Variants in GPM6A observed in about 807,000 individuals in gnomAD.
GPM6A encodes the protein neuronal membrane glycoprotein M6-a.
In GPM6A, 7 loss-of-function variants were observed where a neutral mutation model predicts 32.1. The observed-to-expected ratio is 0.22, with a 90% CI of 0.12 to 0.41. The LOEUF is 0.41. Among genes scored for constraint, GPM6A ranks in the 10% least tolerant of loss-of-function variants. GPM6A has a pLI of 1.00. For synonymous variants in GPM6A, 130 were observed against 123.4 expected (o/e 1.05, Z -0.35); for missense variants, 235 against 347.2 (o/e 0.68, Z 2.57).
intron 1 of GPM6A, among the ~76,000 whole-genome samples, chr4:175,977,961 C>T (rs1339047668): frequency 6.6e-6 from 1 of 152,196 alleles, no homozygotes; most frequent in Admixed American, 6.5e-5. Flanking sequence ...TGTGGTCCTA[C>T]TTCAATGCTG....
At chr4:175,856,496 TA>T (rs1441498029) in intron 1 of GPM6A, among the ~76,000 whole-genome samples, 1 of 152,238 alleles carries the variant, frequency 6.6e-6, no homozygotes, top group East Asian at 1.9e-4. Context: ...GGGCATGTGT[TA>T]CAAACAGTTT....
intron 1 of GPM6A, among the ~76,000 whole-genome samples, chr4:175,926,458 C>T (rs28615566): frequency 0.035 from 5,252 of 152,110 alleles, 323 homozygotes; most frequent in African/African-American, 0.12. Flanking sequence ...ATGTTTTTCA[C>T]TGGATAATTT....
chr4:175,651,759 T>C, intron 4 of GPM6A, 75 bp downstream of exon 4: 1 of 1,109,410 alleles, frequency 9.0e-7, no homozygotes, highest in African/African-American at 1.6e-5. Flanking sequence ...TGATCTATAA[T>C]ATTTTAGAGG....
intron 1 of GPM6A, among the ~76,000 whole-genome samples, chr4:175,810,320 CAATT>C (rs1389230543): frequency 1.3e-5 from 2 of 152,038 alleles, no homozygotes; most frequent in Non-Finnish European, 2.9e-5. Context: ...CTTCTTTTCT[CAATT>C]AAGAAAAAAA....
At chr4:175,756,617 C>T (rs1286541743) in intron 1 of GPM6A, among the ~76,000 whole-genome samples, 2 of 152,040 alleles carry the variant, frequency 1.3e-5, no homozygotes, top group East Asian at 3.9e-4. Context: ...TTTGAGCTGT[C>T]ACTGGGACGT....
intron 1 of GPM6A, among the ~76,000 whole-genome samples, chr4:175,718,027 A>G (rs923361730): frequency 6.6e-6 from 1 of 152,218 alleles, no homozygotes; most frequent in African/African-American, 2.4e-5. Flanking sequence ...CAATTTTAAG[A>G]TGCTTTCATT....
chr4:175,975,447 T>C (rs915888790), intron 1 of GPM6A, among the ~76,000 whole-genome samples: 15 of 152,192 alleles, frequency 9.9e-5, no homozygotes, highest in African/African-American at 2.9e-4. Context: ...TTTACCTTGA[T>C]CATGATTATA....
intron 6 of GPM6A, among the ~76,000 whole-genome samples, chr4:175,636,260 G>GTATATA (rs34516159): frequency 0.041 from 4,089 of 100,306 alleles, 369 homozygotes; most frequent in Non-Finnish European, 0.056. Context: ...CATAATCACT[G>GTATATA]TATATATATA....
chr4:175,991,322 C>T (rs943496815), intron 1 of GPM6A, among the ~76,000 whole-genome samples: 2 of 151,432 alleles, frequency 1.3e-5, no homozygotes, highest in Non-Finnish European at 2.9e-5. Flanking sequence ...GTGATCCACC[C>T]GCCTCGGCCT....
At chr4:175,816,190 C>G (rs1331607748), upstream of GPM6A, among the ~76,000 whole-genome samples, 4 of 151,894 alleles carry the variant, frequency 2.6e-5, no homozygotes, top group Admixed American at 6.6e-5. Context: ...GACCCTGCCT[C>G]TAAAAAATAA....
chr4:175,734,562 CTT>C (rs11333952), intron 1 of GPM6A, among the ~76,000 whole-genome samples: 101 of 148,028 alleles, frequency 6.8e-4, no homozygotes, highest in Non-Finnish European at 4.6e-4. Flanking sequence ...CAGTCCTTTA[CTT>C]TTTAAAAAAA....
At chr4:175,737,938 CTTT>C (rs796345427) in intron 1 of GPM6A, among the ~76,000 whole-genome samples, 8 of 139,884 alleles carry the variant, frequency 5.7e-5, no homozygotes, top group East Asian at 2.1e-4. Context: ...CACTAGGTCC[CTTT>C]TTTTTTTTTT....
At chr4:175,845,112 G>A (rs1345417660) in intron 1 of GPM6A, among the ~76,000 whole-genome samples, 1 of 151,724 alleles carries the variant, frequency 6.6e-6, no homozygotes, top group Non-Finnish European at 1.5e-5. Flanking sequence ...CAAAAAAAGA[G>A]AAACATATTT....
At chr4:175,727,214 A>C (rs1177885546) in intron 1 of GPM6A, among the ~76,000 whole-genome samples, 1 of 152,216 alleles carries the variant, frequency 6.6e-6, no homozygotes. Context: ...TTTGAAACAC[A>C]CTTTCAAATA....
At chr4:175,924,605 C>T (rs886669066) in intron 1 of GPM6A, among the ~76,000 whole-genome samples, 3 of 151,920 alleles carry the variant, frequency 2.0e-5, no homozygotes, top group Admixed American at 6.6e-5. Context: ...TTTGGGAGGC[C>T]GAGGCACACG....
chr4:175,859,906 T>C (rs1409921756), intron 1 of GPM6A, among the ~76,000 whole-genome samples: 1 of 152,048 alleles, frequency 6.6e-6, no homozygotes, highest in Non-Finnish European at 1.5e-5. Context: ...AGCTGCTAAA[T>C]ACCAAATATT....
In GPM6A at chr4:175,872,622, A is replaced by G. The variant is rs1174717513; in HGVS notation, c.-22-60373T>C. ...CATAGTGAATATAATATTAATAAAT[A>G]CTCCCATCTTTAAAGTTGAGTTATT... On this transcript the variant is annotated intron_variant, in intron 1 of 7. Coordinates refer to the GPM6A transcript ENST00000280187. 2.6e-5 allele frequency: 4 copies of G among 152,270 alleles called. No individual in the cohort carries two copies. In the East Asian group the frequency reaches 5.8e-4, roughly 22 times the overall value. 9.4% of individuals were successfully genotyped at this position (152,270 alleles called of 1,614,324 possible). A position where few individuals can be genotyped will look rare whatever the true frequency, so the allele number is the denominator to read the frequency against.
At chr4:175,913,667 C>T (rs922372513) in intron 1 of GPM6A, among the ~76,000 whole-genome samples, 22 of 152,164 alleles carry the variant, frequency 1.4e-4, no homozygotes, top group African/African-American at 4.6e-4. Context: ...AAGATTCTTG[C>T]ACGAGCTGTT....
chr4:175,988,291 A>G (rs1228206111), intron 1 of GPM6A, among the ~76,000 whole-genome samples: 1 of 152,208 alleles, frequency 6.6e-6, no homozygotes, highest in African/African-American at 2.4e-5. Context: ...TAAAATTAAA[A>G]GATTAAGTCC....
Sources: allele counts gnomAD v4.1 joint callset (sites outside exome capture counted in the v4.1 genomes callset), GRCh38; gene constraint gnomAD v4.1.1; transcripts MANE v1.5; gene names NCBI Gene and HGNC (gene_info 2026-07-23, HGNC 2026-07-21).